Variants in MARCHF1 observed in about 807,000 individuals in gnomAD.
The protein encoded by MARCHF1 is E3 ubiquitin-protein ligase MARCHF1.
Under a neutral mutation model 54.2 loss-of-function variants are expected in MARCHF1, and 40 were observed. The observed-to-expected ratio is 0.74, with a 90% CI of 0.57 to 0.96. MARCHF1 has a LOEUF of 0.96. MARCHF1 is among the 40% of genes least tolerant of loss of function. The pLI is 0.00. For synonymous variants in MARCHF1, 236 were observed against 236.3 expected (o/e 1.00, Z 0.01); for missense variants, 586 against 656.5 (o/e 0.89, Z 1.17).
chr4:164,222,122 T>A (rs2111154583), intron 1 of MARCHF1, among the ~76,000 whole-genome samples: 1 of 152,122 alleles, frequency 6.6e-6, no homozygotes, highest in African/African-American at 2.4e-5. Flanking sequence ...CCTTTCAAAT[T>A]AATTCAATCT....
At chr4:164,142,313 G>A (rs1187010737) in intron 1 of MARCHF1, among the ~76,000 whole-genome samples, 1 of 152,146 alleles carries the variant, frequency 6.6e-6, no homozygotes, top group South Asian at 2.1e-4. Context: ...ACTGGGTGGA[G>A]CCCACCACAG....
chr4:163,564,848 AGCAGC>A (rs1452857344), intron 8 of MARCHF1, among the ~76,000 whole-genome samples: 3 of 151,906 alleles, frequency 2.0e-5, no homozygotes, highest in East Asian at 3.9e-4. Flanking sequence ...TCAACCACTC[AGCAGC>A]GCAGATCTCT....
chr4:163,805,421 G>T (rs1176834982), intron 4 of MARCHF1, among the ~76,000 whole-genome samples: 2 of 151,014 alleles, frequency 1.3e-5, no homozygotes, highest in Non-Finnish European at 3.0e-5. Flanking sequence ...TAAAAAATGA[G>T]TTTTAAGAGA....
chr4:163,885,391 A>C (rs1750503431), intron 3 of MARCHF1, among the ~76,000 whole-genome samples: 1 of 152,206 alleles, frequency 6.6e-6, no homozygotes, highest in Non-Finnish European at 1.5e-5. Flanking sequence ...AGACACCATC[A>C]ACCAAAAATA....
intron 5 of MARCHF1, among the ~76,000 whole-genome samples, chr4:163,679,013 T>G (rs903752161): frequency 4.6e-5 from 7 of 152,208 alleles, no homozygotes; most frequent in Admixed American, 1.3e-4. Flanking sequence ...CATTTGCATT[T>G]GTCATCATGG....
chr4:164,041,792 A>C (rs1754134864), intron 2 of MARCHF1, among the ~76,000 whole-genome samples: 1 of 152,172 alleles, frequency 6.6e-6, no homozygotes, highest in African/African-American at 2.4e-5. Flanking sequence ...ATTCTGATGT[A>C]GGGTGCTTGA....
intron 3 of MARCHF1, among the ~76,000 whole-genome samples, chr4:163,933,626 T>C (rs1560825683): frequency 6.6e-6 from 1 of 152,236 alleles, no homozygotes; most frequent in Non-Finnish European, 1.5e-5. Context: ...TTAAAGAGTG[T>C]TCCACACAAC....
chr4:163,990,633 A>C (rs1752953139), intron 2 of MARCHF1, among the ~76,000 whole-genome samples: 1 of 152,164 alleles, frequency 6.6e-6, no homozygotes, highest in African/African-American at 2.4e-5. Context: ...TAAAACTAAT[A>C]ATTCTTAAAT....
intron 5 of MARCHF1, among the ~76,000 whole-genome samples, chr4:163,620,600 CACACACAGAGAGAG>C (rs1298057776): frequency 1.3e-3 from 103 of 76,848 alleles, no homozygotes; most frequent in Middle Eastern, 6.0e-3. Flanking sequence ...CACACACACA[CACACACAGAGAGAG>C]AGAGAGAGAG....
At chr4:163,682,598 G>C (rs1744140958) in intron 5 of MARCHF1, among the ~76,000 whole-genome samples, 1 of 152,148 alleles carries the variant, frequency 6.6e-6, no homozygotes, top group East Asian at 1.9e-4. Flanking sequence ...GTACAGCTTG[G>C]GCCAGATTAG....
rs1274567872 is a variant in MARCHF1 at position 163,733,183 on chromosome 4, A to G, written c.112-32320T>C. 3.4e-3 allele frequency among the ~76,000 whole-genome samples: 51 copies of G among 14,884 alleles called. 2 individuals carry two copies. Among genetic ancestry groups the G allele is most frequent in the African/African-American group, 9.9e-3 (43 of 4,322 alleles). 9.8% of individuals were successfully genotyped at this position (14,884 alleles called of 152,430 possible). On this transcript the variant is annotated intron_variant, in intron 4 of 9. Coordinates refer to ENST00000514618, the MANE Select transcript of MARCHF1 (RefSeq NM_001394959.1). ...TCTCTCTCTCTGTATGTGTGTATAT[A>G]TATATATATATATATATATATATAT... is the stretch of plus-strand genomic sequence containing the variant.
intron 3 of MARCHF1, among the ~76,000 whole-genome samples, chr4:163,879,905 G>A (rs1042567413): frequency 2.1e-4 from 32 of 151,636 alleles, no homozygotes; most frequent in Non-Finnish European, 3.7e-4. Context: ...TAATATGGGA[G>A]CTATTTAGAA....
chr4:164,249,744 A>G (rs1159213656), intron 1 of MARCHF1, among the ~76,000 whole-genome samples: 3 of 147,234 alleles, frequency 2.0e-5, no homozygotes, highest in African/African-American at 7.4e-5. Flanking sequence ...ATTCTGACCT[A>G]GAATACAGAC....
At chr4:163,765,316 CAA>C (rs1205516090) in intron 4 of MARCHF1, among the ~76,000 whole-genome samples, 3 of 152,046 alleles carry the variant, frequency 2.0e-5, no homozygotes, top group African/African-American at 7.2e-5. Flanking sequence ...TTCTGATATT[CAA>C]AGACTATTAT....
At chr4:163,590,884 T>C (rs898720380) in intron 7 of MARCHF1, among the ~76,000 whole-genome samples, 4 of 151,940 alleles carry the variant, frequency 2.6e-5, no homozygotes, top group African/African-American at 9.7e-5. Flanking sequence ...GGTGTGGCTA[T>C]TGAAAATACA....
intron 1 of MARCHF1, among the ~76,000 whole-genome samples, chr4:164,357,344 C>T (rs1408709951): frequency 6.6e-6 from 1 of 152,046 alleles, no homozygotes; most frequent in African/African-American, 2.4e-5. Context: ...CTCCAAAGCT[C>T]ATCACTTCAT....
At chr4:163,808,713 C>T (rs1379661831) in intron 4 of MARCHF1, among the ~76,000 whole-genome samples, 1 of 152,040 alleles carries the variant, frequency 6.6e-6, no homozygotes, top group African/African-American at 2.4e-5. Flanking sequence ...GGACTACAGG[C>T]ACCTGCCACC....
chr4:164,010,999 T>C (rs558436287), intron 2 of MARCHF1, among the ~76,000 whole-genome samples: 1 of 152,196 alleles, frequency 6.6e-6, no homozygotes, highest in Admixed American at 6.5e-5. Context: ...TTGCCAAAAA[T>C]ATGCAATGGT....
intron 4 of MARCHF1, among the ~76,000 whole-genome samples, chr4:163,798,786 A>ATATG (rs1747994265): frequency 6.6e-6 from 1 of 152,174 alleles, no homozygotes; most frequent in Admixed American, 6.6e-5. Context: ...AGGAGACCAT[A>ATATG]ACAAGGGAAT....
Sources: gnomAD v4.1 joint callset for allele counts (sites outside exome capture counted in the v4.1 genomes callset) on GRCh38, gnomAD v4.1.1 for gene constraint, MANE v1.5 for transcripts, NCBI Gene and HGNC (gene_info 2026-07-23, HGNC 2026-07-21) for gene names.